The following WDR35 variants were observed in gnomAD, a reference collection of about 807,000 sequenced individuals.
WDR35 encodes the protein WD repeat domain 35.
Under a neutral mutation model 158.3 loss-of-function variants are expected in WDR35, and 118 were observed. The observed-to-expected ratio is 0.75, with a 90% CI of 0.64 to 0.87. WDR35 has a LOEUF of 0.87. WDR35 is among the 40% of genes least tolerant of loss of function. WDR35 has a pLI of 0.00. For missense variants in WDR35, 1,263 were observed against 1,405.8 expected (o/e 0.90, Z 1.62); for synonymous variants, 448 against 476.1 (o/e 0.94, Z 0.77).
intron 25 of WDR35, among the ~76,000 whole-genome samples, chr2:19,926,952 C>T (rs917356826): frequency 1.3e-5 from 2 of 152,094 alleles, no homozygotes; most frequent in Admixed American, 1.3e-4. Context: ...TGAGGAGGAC[C>T]CCAGCTGTCG....
intron 3 of WDR35, among the ~76,000 whole-genome samples, chr2:19,982,205 G>A (rs1672402961): frequency 1.3e-5 from 2 of 152,174 alleles, no homozygotes; most frequent in Admixed American, 6.5e-5. Context: ...AGATGATTGT[G>A]CCCAACTGTA....
At chr2:19,941,344 G>A (rs1670868499) in intron 17 of WDR35, among the ~76,000 whole-genome samples, 1 of 152,088 alleles carries the variant, frequency 6.6e-6, no homozygotes, top group Non-Finnish European at 1.5e-5. Context: ...AAGTATCTTA[G>A]AACTAGAAAA....
chr2:19,955,453 T>C (rs770317842), intron 11 of WDR35, among the ~76,000 whole-genome samples: 4 of 152,218 alleles, frequency 2.6e-5, no homozygotes, highest in African/African-American at 9.6e-5. Context: ...ATGAAGTAGA[T>C]AGTCTCATCA....
chr2:19,957,243 T>G (rs1021561942), intron 11 of WDR35, among the ~76,000 whole-genome samples: 1 of 152,228 alleles, frequency 6.6e-6, no homozygotes, highest in Non-Finnish European at 1.5e-5. Context: ...TAGGATTTTA[T>G]AATAAAACCA....
At chr2:19,966,147 T>C (rs528133226) in intron 10 of WDR35, among the ~76,000 whole-genome samples, 10 of 152,210 alleles carry the variant, frequency 6.6e-5, no homozygotes, top group Admixed American at 1.3e-4. Context: ...TCTATACTTT[T>C]TAATGGGGTA....
chr2:19,962,149 T>C (rs1671684466), intron 10 of WDR35: 1 of 800,516 alleles, frequency 1.2e-6, no homozygotes, highest in African/African-American at 1.7e-5. Flanking sequence ...AAAATAAAGT[T>C]TCTATTTTTA....
chr2:19,932,523 T>C, intron 22 of WDR35, 76 bp from the exon 23 acceptor site: 2 of 1,573,222 alleles, frequency 1.3e-6, no homozygotes, highest in South Asian at 1.1e-5. Context: ...ACAAGAAAGC[T>C]TTAAGTTTAT....
At chr2:19,915,882 C>T (rs971160404) in intron 25 of WDR35, among the ~76,000 whole-genome samples, 6 of 148,816 alleles carry the variant, frequency 4.0e-5, no homozygotes, top group Non-Finnish European at 7.4e-5. Flanking sequence ...GATTATGCCA[C>T]TGCACTCTAG....
At chr2:19,974,171 G>A (rs892048227) in intron 7 of WDR35, among the ~76,000 whole-genome samples, 5 of 152,142 alleles carry the variant, frequency 3.3e-5, no homozygotes, top group Non-Finnish European at 5.9e-5. Flanking sequence ...AGCACTTTGG[G>A]AGGCTGAGGC....
chr2:19,936,219 C>G lies in WDR35; in HGVS notation c.2414G>C (p.Trp805Ser). ...GAGGAGCTCCAGGTAAGTTACATAC[C>G]ACTTTTGTCGATCAGCAAAGTAGTC... Reference protein sequence around the residue: ...IGDYFADRQKWLNAVQYYVQG... With the variant: ...IGDYFADRQKSLNAVQYYVQG... The change falls in exon 20 of 27, where the codon TGG (tryptophan) becomes TCG (serine). Residue 805 changes from tryptophan to serine, a missense_variant and splice_region_variant. Physicochemically the swap from Trp to Ser is radical, Grantham distance 177. Transcript: ENST00000281405. 1 of 1,613,786 alleles carries G rather than the reference C, an allele frequency of 6.2e-7. No individual in the cohort carries two copies. Among genetic ancestry groups the G allele is most frequent in the South Asian group, 1.1e-5 (1 of 91,064 alleles).
chr2:19,916,070 T>C (rs191542735), intron 25 of WDR35, among the ~76,000 whole-genome samples: 2 of 152,258 alleles, frequency 1.3e-5, no homozygotes, highest in African/African-American at 2.4e-5. Flanking sequence ...TTGGGACTAG[T>C]TGGACAGTGG....
chr2:19,919,553 TGCA>T (rs1392829391), intron 25 of WDR35, among the ~76,000 whole-genome samples: 1 of 152,070 alleles, frequency 6.6e-6, no homozygotes, highest in Admixed American at 6.5e-5. Context: ...AAAGACACAG[TGCA>T]GCAGAATTTC....
At chr2:19,986,378 TA>T (rs1427109411) in intron 2 of WDR35, among the ~76,000 whole-genome samples, 3 of 151,998 alleles carry the variant, frequency 2.0e-5, no homozygotes, top group African/African-American at 7.3e-5. Flanking sequence ...AATGAAAGAA[TA>T]AATAGAGCAA....
At chr2:19,969,381 C>T (rs1427211111) in intron 9 of WDR35, 99 bp downstream of exon 9, 2 of 1,322,012 alleles carry the variant, frequency 1.5e-6, no homozygotes, top group Non-Finnish European at 2.1e-6. Flanking sequence ...TTCCTTTCTG[C>T]TAGCTCCTAA....
At chr2:19,980,834 A>T (rs1672360772) in intron 3 of WDR35, 51 bp from the exon 4 acceptor site, 1 of 1,522,166 alleles carries the variant, frequency 6.6e-7, no homozygotes, top group Admixed American at 1.7e-5. Flanking sequence ...ATTAATTTCA[A>T]ATTCACATTT....
At chr2:19,988,420 C>A (rs1367484179) in intron 2 of WDR35, among the ~76,000 whole-genome samples, 1 of 152,210 alleles carries the variant, frequency 6.6e-6, no homozygotes, top group Non-Finnish European at 1.5e-5. Context: ...TCCATCTTAA[C>A]AACCTCTTCC....
chr2:19,916,179 A>G (rs931834869), intron 25 of WDR35, among the ~76,000 whole-genome samples: 13 of 152,162 alleles, frequency 8.5e-5, no homozygotes, highest in Non-Finnish European at 1.8e-4. Flanking sequence ...AAGGGAAGCC[A>G]TTAGGGACTG....
At position 19,910,929 on chromosome 2, in the gene WDR35, A is replaced by T. The variant is rs1001737898; in HGVS notation, c.*2629T>A. The T allele has an allele frequency of 2.0e-5, 3 of 152,236 alleles. No homozygotes were observed. The highest frequency in any genetic ancestry group is 2.9e-5 in the Non-Finnish European group (2 of 68,042). 9.4% of individuals were successfully genotyped at this position (152,236 alleles called of 1,614,324 possible). ...AAGTAAAAAAGATGTGCCTGTCTAT[A>T]TACATATGCGCGCACACACACACGC... On this transcript the variant is annotated 3_prime_UTR_variant, in exon 27 of 27. Transcript: ENST00000281405.
chr2:19,947,539 AG>A (rs1671098379), intron 14 of WDR35, among the ~76,000 whole-genome samples: 1 of 152,234 alleles, frequency 6.6e-6, no homozygotes, highest in Non-Finnish European at 1.5e-5. Flanking sequence ...GCTCAAGAAA[AG>A]ACACTATGCC....
Sources: allele counts gnomAD v4.1 joint callset (sites outside exome capture counted in the v4.1 genomes callset), GRCh38; gene constraint gnomAD v4.1.1; transcripts MANE v1.5; gene names NCBI Gene and HGNC (gene_info 2026-07-23, HGNC 2026-07-21).